Variants in ATIC observed in about 807,000 individuals in gnomAD.
The protein encoded by ATIC is bifunctional purine biosynthesis protein ATIC.
Under a neutral mutation model 72.5 loss-of-function variants are expected in ATIC, and 64 were observed. The observed-to-expected ratio is 0.88, with a 90% CI of 0.72 to 1.09. The LOEUF (loss-of-function observed/expected upper bound fraction) is 1.09, where lower values mean the gene tolerates loss of function less well. Ranked by LOEUF, ATIC falls within the 50% of genes least tolerant of loss-of-function variation. The pLI is 0.00. For synonymous variants in ATIC, 281 were observed against 267.1 expected (o/e 1.05, Z -0.51); for missense variants, 787 against 732.4 (o/e 1.07, Z -0.86).
chr2:215,348,155 C>G (rs773203718), intron 14 of ATIC, among the ~76,000 whole-genome samples: 13 of 152,144 alleles, frequency 8.5e-5, no homozygotes, highest in Non-Finnish European at 1.8e-4. Flanking sequence ...AATACTGTTG[C>G]ATTGGGGATT....
intron 6 of ATIC, 111 bp downstream of exon 6, chr2:215,326,249 G>T: frequency 7.5e-7 from 1 of 1,336,806 alleles, no homozygotes. Context: ...AGCTTTGCTT[G>T]GAGCTGCTAT....
chr2:215,361,662 C>G, the ATIC span: 2 of 1,466,942 alleles, frequency 1.4e-6, no homozygotes, highest in South Asian at 2.3e-5. Flanking sequence ...AAATTAGTGG[C>G]AAATACTGTA....
Position 215,312,138 on chromosome 2 carries a change from C to G in ATIC, c.-5C>G. On this transcript the variant is annotated 5_prime_UTR_variant, in exon 1 of 16. Coordinates refer to ENST00000236959, the MANE Select transcript of ATIC (RefSeq NM_004044.7). ...CCGCTCGCCCTGAACCCAGTGCCTGCAGCCATGGCTCCCGGCCAGCTCGGT... is the reference window on the plus strand; with the variant it reads ...CCGCTCGCCCTGAACCCAGTGCCTGGAGCCATGGCTCCCGGCCAGCTCGGT... 1 of 1,526,786 alleles carries G rather than the reference C, an allele frequency of 6.5e-7. No homozygotes were observed. Among genetic ancestry groups the G allele is most frequent in the East Asian group, 2.5e-5 (1 of 40,000 alleles). The allele number at this position is 1,526,786 out of a possible 1,614,324, so 94.6% of individuals were successfully genotyped here.
intron 7 of ATIC, 152 bp downstream of exon 7, chr2:215,327,130 T>A: frequency 7.9e-7 from 1 of 1,263,716 alleles, no homozygotes; most frequent in Non-Finnish European, 1.1e-6. Flanking sequence ...AGACGCCATT[T>A]GGACTGAAGA....
Position 215,326,834 on chromosome 2 carries a change from AC to A in ATIC, c.545del (p.Thr182ArgfsTer25). On this transcript the variant is annotated frameshift_variant, in exon 7 of 16. Coordinates refer to ENST00000236959, the MANE Select transcript of ATIC (RefSeq NM_004044.7). LOFTEE classifies it high-confidence loss of function. ...ACGCTTTTTGTAGGCATTCACTCAT[AC>A]GGCACAATATGATGAAGCAATTTCA... ...RQLALKAFTH[T>X]AQYDEAISDY... The A allele has an allele frequency of 1.2e-6, 2 of 1,614,044 alleles. No individual in the cohort carries two copies. Among genetic ancestry groups the A allele is most frequent in the Non-Finnish European group, 1.7e-6 (2 of 1,180,030 alleles).
At chr2:215,347,079 G>T in intron 14 of ATIC, 138 bp downstream of exon 14, 2 of 1,143,160 alleles carry the variant, frequency 1.7e-6, no homozygotes, top group Non-Finnish European at 2.5e-6. Context: ...ATTGATCATT[G>T]AAACTTCTTA....
In ATIC at chr2:215,312,403, C is replaced by T. The variant is rs1472833289; in HGVS notation, c.20-95C>T. 1.0e-5 allele frequency: 16 copies of T among 1,599,102 alleles called. No homozygotes were observed. The Middle Eastern group carries it at 6.6e-4, about 66-fold the overall frequency. ...ACGCAGGGTCCAGGTGCTGGCCTTG[C>T]GATTCGAGAATCTCCTCCCCCAGAC... On this transcript the variant is annotated intron_variant, in intron 1 of 15. Transcript: ENST00000236959.
At position 215,349,254 on chromosome 2, in the gene ATIC, G is replaced by A; in HGVS notation, c.1659+5G>A. 6.2e-7 allele frequency: 1 copy of A among 1,614,128 alleles called. No homozygotes were observed. The highest frequency in any genetic ancestry group is 8.5e-7 in the Non-Finnish European group (1 of 1,180,024). On this transcript the variant is annotated splice_donor_5th_base_variant and intron_variant, in intron 15 of 15. Transcript: ENST00000236959. ...AACGTAGACAGAGCTAAAAGGGTAA[G>A]TATGGAATTGGGTGCATTTGCTTAG... is the stretch of plus-strand genomic sequence containing the variant.
At chr2:215,366,480 C>T in the ATIC span, among the ~76,000 whole-genome samples, 1 of 152,078 alleles carries the variant, frequency 6.6e-6, no homozygotes, top group Non-Finnish European at 1.5e-5. Flanking sequence ...CAAAAGCAAA[C>T]AAAATGCTAA....
chr2:215,330,712 CT>C (rs111990936), intron 7 of ATIC, among the ~76,000 whole-genome samples: 278 of 140,710 alleles, frequency 2.0e-3, no homozygotes, highest in East Asian at 4.1e-3. Flanking sequence ...TTTCTCTTTT[CT>C]TTTTTTTTTT....
intron 1 of ATIC, 156 bp downstream of exon 1, chr2:215,312,317 G>C (rs2105984327): frequency 6.9e-7 from 1 of 1,452,778 alleles, no homozygotes; most frequent in African/African-American, 1.4e-5. Flanking sequence ...AGCCTGCGTG[G>C]GGCCCGCCTT....
intron 13 of ATIC, 126 bp from the exon 14 acceptor site, chr2:215,346,633 T>G (rs2053073155): frequency 1.9e-6 from 2 of 1,060,436 alleles, no homozygotes; most frequent in African/African-American, 3.2e-5. Flanking sequence ...TATATTTCTC[T>G]TATTTTGGCC....
At chr2:215,328,339 A>G (rs974905887) in intron 7 of ATIC, among the ~76,000 whole-genome samples, 6 of 152,066 alleles carry the variant, frequency 3.9e-5, no homozygotes, top group African/African-American at 1.4e-4. Context: ...GTCAGACCCT[A>G]CTTAAAGCCA....
chr2:215,342,170 A>G (rs1017104785), intron 12 of ATIC, among the ~76,000 whole-genome samples: 1 of 152,176 alleles, frequency 6.6e-6, no homozygotes, highest in Admixed American at 6.5e-5. Flanking sequence ...AAACCGTATC[A>G]CCAAGATTAT....
chr2:215,357,957 C>G, the ATIC span, among the ~76,000 whole-genome samples: 6 of 151,836 alleles, frequency 4.0e-5, no homozygotes, highest in South Asian at 1.3e-3. Flanking sequence ...AAATAGGAAG[C>G]AATTTGAGCA....
At chr2:215,341,103 T>A (rs558197506) in intron 12 of ATIC, among the ~76,000 whole-genome samples, 8 of 152,346 alleles carry the variant, frequency 5.3e-5, no homozygotes, top group African/African-American at 1.9e-4. Flanking sequence ...TCCAGAGAGT[T>A]CTGTCTGTTG....
chr2:215,345,851 G>A (rs1036677536), intron 13 of ATIC, among the ~76,000 whole-genome samples: 3 of 152,222 alleles, frequency 2.0e-5, no homozygotes, highest in African/African-American at 7.2e-5. Context: ...GGGCAGGGTT[G>A]CCAGCAGCTG....
the ATIC span, among the ~76,000 whole-genome samples, chr2:215,360,229 C>T: frequency 3.3e-5 from 5 of 152,294 alleles, no homozygotes; most frequent in Middle Eastern, 3.4e-3. Context: ...TGAGCCACTG[C>T]GCCTGGCCTG....
the ATIC span, chr2:215,361,405 C>A: frequency 4.9e-5 from 37 of 754,388 alleles, no homozygotes; most frequent in African/African-American, 4.4e-4. Context: ...CTTGGAGAAG[C>A]TGTGAGTTGA....
Sources: allele counts gnomAD v4.1 joint callset (sites outside exome capture counted in the v4.1 genomes callset), GRCh38; gene constraint gnomAD v4.1.1; transcripts MANE v1.5; gene names NCBI Gene and HGNC (gene_info 2026-07-23, HGNC 2026-07-21).